Variants in FA2H observed in about 807,000 individuals in gnomAD.
FA2H encodes the protein fatty acid alpha-hydroxylase.
A neutral mutation model predicts 44.9 loss-of-function variants in FA2H; 22 were observed. That is an observed-to-expected ratio of 0.49 (90% confidence interval 0.35 to 0.70). The LOEUF (loss-of-function observed/expected upper bound fraction) is 0.70. Among genes scored for constraint, FA2H ranks in the 30% least tolerant of loss-of-function variants. The pLI, the probability that FA2H is intolerant of heterozygous loss-of-function variation, is 0.01. For missense variants in FA2H, 501 were observed against 504.9 expected (o/e 0.99, Z 0.07); for synonymous variants, 243 against 213.2 (o/e 1.14, Z -1.22).
intron 4 of FA2H, 34 bp downstream of exon 4, chr16:74,726,191 C>T: frequency 6.8e-7 from 1 of 1,471,324 alleles, no homozygotes; most frequent in Non-Finnish European, 9.5e-7. Context: ...CCTCTAGGAT[C>T]CTCAGGGCAA....
chr16:74,770,130 A>G (rs1962879957), intron 1 of FA2H, among the ~76,000 whole-genome samples: 1 of 152,142 alleles, frequency 6.6e-6, no homozygotes. Context: ...CAAACAACAG[A>G]GCTGGTTCAT....
intron 1 of FA2H, among the ~76,000 whole-genome samples, chr16:74,740,620 AAATAATAATAATAATAAT>A (rs71378704): frequency 8.6e-4 from 117 of 135,376 alleles, no homozygotes; most frequent in African/African-American, 1.5e-3. Context: ...CTCCATCTCA[AAATAATAATAATAATAAT>A]AATAATAATA....
Position 74,739,153 on chromosome 16 carries a change from G to A in FA2H, c.363+870C>T, listed in dbSNP as rs1452639086. On this transcript the variant is annotated intron_variant, in intron 2 of 6. Coordinates refer to ENST00000219368, the MANE Select transcript of FA2H (RefSeq NM_024306.5). ...ACCTCCTGGGGTAATAACTCTTTAT[G>A]GCGGTGGTGGGGAGGGGTTACTGTC... is the stretch of plus-strand genomic sequence containing the variant. 3.9e-5 allele frequency among the ~76,000 whole-genome samples: 6 copies of A among 152,328 alleles called. No homozygotes were observed. The East Asian group carries it at 1.2e-3, about 29-fold the overall frequency.
At chr16:74,752,417 C>A (rs1002282285) in intron 1 of FA2H, among the ~76,000 whole-genome samples, 1 of 152,156 alleles carries the variant, frequency 6.6e-6, no homozygotes, top group Non-Finnish European at 1.5e-5. Context: ...CAGCCCCCAC[C>A]AGACTCCATC....
At chr16:74,725,815 C>T (rs1332814820) in intron 4 of FA2H, 1 of 313,162 alleles carries the variant, frequency 3.2e-6, no homozygotes, top group South Asian at 2.9e-5. Flanking sequence ...AAGTTCTCTG[C>T]TAATCTGTGC....
chr16:74,773,464 G>A (rs1210566872), intron 1 of FA2H, among the ~76,000 whole-genome samples: 2 of 152,180 alleles, frequency 1.3e-5, no homozygotes, highest in Non-Finnish European at 2.9e-5. Context: ...GGGAACTACT[G>A]TATATCTAAG....
intron 4 of FA2H, among the ~76,000 whole-genome samples, chr16:74,722,710 C>T (rs1207392285): frequency 3.3e-5 from 5 of 151,846 alleles, no homozygotes; most frequent in Admixed American, 2.6e-4. Context: ...GTCAGGAGTT[C>T]GAGACCAGCC....
At chr16:74,741,788 ATATATATATATATATATATATGTGTG>A (rs1406242744) in intron 1 of FA2H, among the ~76,000 whole-genome samples, 1 of 70,794 alleles carries the variant, frequency 1.4e-5, no homozygotes, top group African/African-American at 5.8e-5. Flanking sequence ...ATATATATAT[ATATATATATATATATATATATGTGTG>A]TGTGTGTGTG....
At chr16:74,748,842 G>A (rs942310687) in intron 1 of FA2H, among the ~76,000 whole-genome samples, 1 of 152,202 alleles carries the variant, frequency 6.6e-6, no homozygotes, top group African/African-American at 2.4e-5. Context: ...ACCGCGGGAC[G>A]GACAGATGGC....
At chr16:74,770,374 TTTTG>T (rs529994494) in intron 1 of FA2H, among the ~76,000 whole-genome samples, 2,128 of 152,194 alleles carry the variant, frequency 0.014, 59 homozygotes, top group African/African-American at 0.049. Flanking sequence ...CCCACAAGTT[TTTTG>T]TTTGTTTGTT....
intron 1 of FA2H, among the ~76,000 whole-genome samples, chr16:74,754,961 A>G (rs915856417): frequency 6.6e-6 from 1 of 152,130 alleles, no homozygotes; most frequent in African/African-American, 2.4e-5. Context: ...CCGTATGGGA[A>G]GAACACCCAT....
chr16:74,732,444 C>CT (rs202152909), intron 2 of FA2H, among the ~76,000 whole-genome samples: 7 of 148,372 alleles, frequency 4.7e-5, no homozygotes, highest in South Asian at 2.1e-4. Flanking sequence ...TTTTCTTTTT[C>CT]TTTTTTTTTT....
At chr16:74,732,179 T>C (rs1232760791) in intron 2 of FA2H, among the ~76,000 whole-genome samples, 6 of 152,044 alleles carry the variant, frequency 3.9e-5, no homozygotes, top group African/African-American at 1.4e-4. Context: ...CCACTGTGCC[T>C]GGCCAGCGCC....
At chr16:74,748,338 A>C (rs1962465397) in intron 1 of FA2H, among the ~76,000 whole-genome samples, 1 of 152,034 alleles carries the variant, frequency 6.6e-6, no homozygotes, top group African/African-American at 2.4e-5. Flanking sequence ...TGCCATCTCC[A>C]CCACAAGCAC....
intron 2 of FA2H, among the ~76,000 whole-genome samples, chr16:74,736,860 G>A (rs1179707714): frequency 6.6e-6 from 1 of 152,198 alleles, no homozygotes; most frequent in African/African-American, 2.4e-5. Flanking sequence ...GTGGAGGGGA[G>A]GGGCCGCTAT....
intron 1 of FA2H, among the ~76,000 whole-genome samples, chr16:74,771,041 T>C (rs1158468978): frequency 6.6e-6 from 1 of 152,058 alleles, no homozygotes. Context: ...GCTGTAAGCA[T>C]ACTCAGGATG....
At chr16:74,723,713 G>A (rs1352483818) in intron 4 of FA2H, among the ~76,000 whole-genome samples, 2 of 152,116 alleles carry the variant, frequency 1.3e-5, no homozygotes, top group Non-Finnish European at 2.9e-5. Flanking sequence ...GGTCATTCCG[G>A]TGAAGTGCAG....
Position 74,774,662 on chromosome 16 carries a change from G to C in FA2H, c.94C>G (p.Arg32Gly), listed in dbSNP as rs978032580. ...AGACWVRRGA[R>G]LYDLSSFVRH... is the part of the protein sequence containing the mutation. ...ACGAAGCTGGAGAGGTCGTAGAGGCGGGCCCCGCGGCGGACCCAGCACGCG... is the reference window on the plus strand; with the variant it reads ...ACGAAGCTGGAGAGGTCGTAGAGGCCGGCCCCGCGGCGGACCCAGCACGCG... The change falls in exon 1 of 7, where the codon CGC (arginine) becomes GGC (glycine). Residue 32 changes from arginine (R) to glycine (G), a missense_variant. Transcript: ENST00000219368. The C allele has an allele frequency of 3.5e-5, 50 of 1,437,934 alleles. No individual in the cohort carries two copies. The highest frequency in any genetic ancestry group is 4.5e-5 in the Non-Finnish European group (49 of 1,098,820). 89.1% of individuals were successfully genotyped at this position (1,437,934 alleles called of 1,614,324 possible).
chr16:74,714,419 G>A (rs1961648711), intron 6 of FA2H, 150 bp from the exon 7 acceptor site: 1 of 689,004 alleles, frequency 1.5e-6, no homozygotes. Context: ...CATTCTGGCA[G>A]AAGTCAAGGG....
Sources: allele counts gnomAD v4.1 joint callset (sites outside exome capture counted in the v4.1 genomes callset), GRCh38; gene constraint gnomAD v4.1.1; transcripts MANE v1.5; gene names NCBI Gene and HGNC (gene_info 2026-07-23, HGNC 2026-07-21).